GLDC: variants seen among roughly 807,000 people sequenced by gnomAD.
The protein encoded by GLDC is glycine dehydrogenase (decarboxylating), mitochondrial.
Under a neutral mutation model 121.3 loss-of-function variants are expected in GLDC, and 104 were observed. The ratio of observed to expected loss-of-function variants is 0.86; its 90% CI spans 0.73 to 1.01. The LOEUF (loss-of-function observed/expected upper bound fraction) is 1.01. Among genes scored for constraint, GLDC ranks in the 50% least tolerant of loss-of-function variants. The pLI is 0.00. For synonymous variants in GLDC, 546 were observed against 480.6 expected, an observed-to-expected ratio of 1.14 and a Z score of -1.78; for missense variants, 1,429 against 1,306.6, an observed-to-expected ratio of 1.09 and a Z score of -1.44.
At position 6,640,351 on chromosome 9, in the gene GLDC, T is replaced by G. The variant is rs1658976; in HGVS notation, c.334+4263A>C. On this transcript the variant is annotated intron_variant, in intron 2 of 24. Coordinates refer to ENST00000321612, the MANE Select transcript of GLDC (RefSeq NM_000170.3). The stretch of plus-strand genomic sequence containing the variant: ...GACTGCGGGGCCTACAGGCAGGACC[T>G]GGCAATGGGCATCATCTGGCTAAAG... Among the ~76,000 whole-genome samples, 1,480 of 152,384 alleles carry G rather than the reference T, an allele frequency of 9.7e-3. 22 individuals are homozygous for G. The highest frequency in any genetic ancestry group is 0.029 in the African/African-American group (1,222 of 41,596).
Position 6,562,482 on chromosome 9 carries a change from T to C in GLDC, c.1926+2872A>G, listed in dbSNP as rs189580967. ...TGTGTGGGAGCAGCTGCCTCAGACA[T>C]CAGTGATGTGAAAAAATCTTCCCTG... On this transcript the variant is annotated intron_variant, in intron 16 of 24. Transcript: ENST00000321612. 3.3e-5 allele frequency among the ~76,000 whole-genome samples: 5 copies of C among 152,316 alleles called. No homozygotes were observed. The East Asian group carries it at 7.7e-4, about 23-fold the overall frequency.
chr9:6,559,078 T>G (rs1240948028), intron 16 of GLDC, among the ~76,000 whole-genome samples: 2 of 152,302 alleles, frequency 1.3e-5, no homozygotes, highest in East Asian at 3.9e-4. Context: ...GTGCTCTGCT[T>G]GGCTTATCCA....
At chr9:6,597,891 G>C (rs983651999) in intron 8 of GLDC, among the ~76,000 whole-genome samples, 3 of 151,582 alleles carry the variant, frequency 2.0e-5, no homozygotes, top group East Asian at 1.9e-4. Flanking sequence ...GCGAGATGGC[G>C]CTACTGCACT....
rs781693346 is a variant in GLDC, at chr9:6,550,854, T to C, written c.2518A>G (p.Met840Val). The change falls in exon 21 of 25, where the codon ATG becomes GTG. Residue 840 changes from methionine to valine, a missense_variant. Met to Val is a conservative substitution (Grantham distance 21). Transcript: ENST00000321612. ...TAGTGTGTTTCTAATCGCTTGGCCA[T>C]GTAGTTGGCATTTAATATCGCAGTT... ...TETAILNANY[M>V]AKRLETHYRI... 289 of 1,613,780 alleles carry C rather than the reference T, an allele frequency of 1.8e-4. No individual in the cohort carries two copies. Among genetic ancestry groups the C allele is most frequent in the East Asian group, 2.9e-4 (13 of 44,896 alleles).
At chr9:6,549,741 G>A (rs562160119) in intron 21 of GLDC, among the ~76,000 whole-genome samples, 7 of 152,128 alleles carry the variant, frequency 4.6e-5, no homozygotes, top group African/African-American at 1.7e-4. Flanking sequence ...AAGCCCTAGA[G>A]GCTAGCTAAC....
chr9:6,539,931 C>G (rs376788392), intron 22 of GLDC, 120 bp downstream of exon 22: 53 of 777,762 alleles, frequency 6.8e-5, no homozygotes, highest in African/African-American at 4.8e-4. Context: ...TGCCAAGAAC[C>G]CTGAGCTCCC....
intron 15 of GLDC, among the ~76,000 whole-genome samples, chr9:6,586,178 C>G (rs769445897): frequency 6.6e-6 from 1 of 152,028 alleles, no homozygotes; most frequent in Non-Finnish European, 1.5e-5. Flanking sequence ...GCCTGTAATC[C>G]CAGCTACTCG....
rs1270215089 is a variant in GLDC at position 6,533,134 on chromosome 9, G to C, written c.2946C>G (p.Phe982Leu). The change falls in exon 25 of 25, where the codon TTC becomes TTG. Residue 982 changes from phenylalanine to leucine, a missense_variant. Physicochemically the swap from Phe to Leu is conservative, Grantham distance 22. Coordinates refer to ENST00000321612, the MANE Select transcript of GLDC (RefSeq NM_000170.3). Reference sequence around the variant, plus strand: ...CATCAATCCGGGCAATCGTTGGCCAGAATTTGTTCTCTGGTTTCACGAAGG... The same window carrying C: ...CATCAATCCGGGCAATCGTTGGCCACAATTTGTTCTCTGGTTTCACGAAGG... ...PLPFVKPENK[F>L]WPTIARIDDI... is the part of the protein sequence containing the mutation. 6.2e-7 allele frequency: 1 copy of C among 1,613,312 alleles called. No homozygotes were observed. Among genetic ancestry groups the C allele is most frequent in the Non-Finnish European group, 8.5e-7 (1 of 1,179,356 alleles).
At chr9:6,633,060 G>C (rs1457101039) in intron 2 of GLDC, among the ~76,000 whole-genome samples, 1 of 152,072 alleles carries the variant, frequency 6.6e-6, no homozygotes, top group Admixed American at 6.6e-5. Context: ...CTAGTACTCA[G>C]TCTCAGCCTT....
At chr9:6,589,782 C>G (rs1287366718) in intron 11 of GLDC, among the ~76,000 whole-genome samples, 1 of 152,026 alleles carries the variant, frequency 6.6e-6, no homozygotes, top group Non-Finnish European at 1.5e-5. Flanking sequence ...ATAGGCCAGG[C>G]GCGGTGGCTC....
At chr9:6,591,673 C>T (rs1273115764) in intron 11 of GLDC, among the ~76,000 whole-genome samples, 1 of 152,152 alleles carries the variant, frequency 6.6e-6, no homozygotes, top group Non-Finnish European at 1.5e-5. Context: ...CAACCGCCGC[C>T]TCCTGGGTTG....
chr9:6,635,227 G>A (rs367884586), intron 2 of GLDC, among the ~76,000 whole-genome samples: 2 of 152,188 alleles, frequency 1.3e-5, no homozygotes, highest in African/African-American at 2.4e-5. Context: ...TACACCAAGT[G>A]CCTGAAGCAG....
At chr9:6,634,111 T>G (rs1489251496) in intron 2 of GLDC, among the ~76,000 whole-genome samples, 1 of 151,916 alleles carries the variant, frequency 6.6e-6, no homozygotes, top group African/African-American at 2.4e-5. Flanking sequence ...ATTACAGGTG[T>G]GAGCCACCGC....
At chr9:6,590,629 CA>C (rs1181477707) in intron 11 of GLDC, among the ~76,000 whole-genome samples, 1 of 152,210 alleles carries the variant, frequency 6.6e-6, no homozygotes, top group Non-Finnish European at 1.5e-5. Context: ...GCTTCTTGCA[CA>C]GCACAGCCTG....
intron 2 of GLDC, among the ~76,000 whole-genome samples, chr9:6,632,187 C>G (rs907020456): frequency 6.6e-6 from 1 of 152,124 alleles, no homozygotes; most frequent in Non-Finnish European, 1.5e-5. Flanking sequence ...GAAAATTCAC[C>G]TAAACTTTCA....
intron 5 of GLDC, 79 bp downstream of exon 5, chr9:6,606,513 T>A: frequency 1.1e-6 from 1 of 936,434 alleles, no homozygotes; most frequent in East Asian, 2.4e-5. Context: ...CCAATCAGTT[T>A]GGAAGTGAGA....
intron 2 of GLDC, among the ~76,000 whole-genome samples, chr9:6,624,975 G>A (rs930676208): frequency 1.6e-4 from 24 of 146,360 alleles, no homozygotes; most frequent in African/African-American, 5.4e-4. Flanking sequence ...GCAACAGAGC[G>A]AGACACTGTC....
At chr9:6,560,419 G>C (rs1054881574) in intron 16 of GLDC, among the ~76,000 whole-genome samples, 1 of 151,978 alleles carries the variant, frequency 6.6e-6, no homozygotes, top group African/African-American at 2.4e-5. Context: ...TGTCCCTTTA[G>C]AACGGCTGTT....
At chr9:6,644,166 C>T (rs1157202595) in intron 2 of GLDC, among the ~76,000 whole-genome samples, 1 of 151,140 alleles carries the variant, frequency 6.6e-6, no homozygotes, top group Admixed American at 6.6e-5. Flanking sequence ...GAAGATACTG[C>T]GATCTAAAGA....
Sources: allele counts gnomAD v4.1 joint callset (sites outside exome capture counted in the v4.1 genomes callset), GRCh38; gene constraint gnomAD v4.1.1; transcripts MANE v1.5; gene names NCBI Gene and HGNC (gene_info 2026-07-23, HGNC 2026-07-21).